Variants in PTK2 observed in about 807,000 individuals in gnomAD.
The protein encoded by PTK2 is focal adhesion kinase 1.
A neutral mutation model predicts 150.1 loss-of-function variants in PTK2; 45 were observed. That is an observed-to-expected ratio of 0.30 (90% CI 0.24 to 0.38). PTK2 has a LOEUF of 0.38. Among genes scored for constraint, PTK2 ranks in the 10% least tolerant of loss-of-function variants. The probability of loss-of-function intolerance (pLI) is 1.00; values close to 1 mark genes in which losing one functional copy is unlikely to be tolerated. For synonymous variants in PTK2, 432 were observed against 449.2 expected (o/e 0.96, Z 0.48); for missense variants, 919 against 1,307.3 (o/e 0.70, Z 4.58).
chr8:140,974,896 C>T (rs1405657791), intron 1 of PTK2, among the ~76,000 whole-genome samples: 1 of 152,096 alleles, frequency 6.6e-6, no homozygotes, highest in Non-Finnish European at 1.5e-5. Context: ...AAAAGATCTT[C>T]ATGAACTCAT....
chr8:140,728,214 A>G (rs1036230108), intron 22 of PTK2, among the ~76,000 whole-genome samples: 8 of 152,006 alleles, frequency 5.3e-5, no homozygotes, highest in African/African-American at 1.9e-4. Flanking sequence ...AAAAAAAAAA[A>G]AGTAGAAAAA....
At chr8:140,989,009 C>CA (rs34982618) in intron 1 of PTK2, among the ~76,000 whole-genome samples, 62,922 of 150,196 alleles carry the variant, frequency 0.42, 14,999 homozygotes, top group Non-Finnish European at 0.55. Flanking sequence ...GTGGGGAAGA[C>CA]AAAAAAAAGG....
At chr8:140,988,806 T>C (rs2100194420) in intron 1 of PTK2, among the ~76,000 whole-genome samples, 2 of 148,858 alleles carry the variant, frequency 1.3e-5, no homozygotes, top group South Asian at 2.1e-4. Flanking sequence ...TGCAGAGAAG[T>C]AGGGAAAAAG....
At chr8:140,676,059 G>A (rs1033079214) in intron 27 of PTK2, among the ~76,000 whole-genome samples, 2 of 152,170 alleles carry the variant, frequency 1.3e-5, no homozygotes, top group East Asian at 1.9e-4. Context: ...TATGTATACA[G>A]TGGAATACTA....
intron 1 of PTK2, among the ~76,000 whole-genome samples, chr8:140,970,700 T>C (rs72689143): frequency 6.6e-6 from 1 of 152,362 alleles, no homozygotes; most frequent in Non-Finnish European, 1.5e-5. Flanking sequence ...CTTGCTGCTC[T>C]GGTGCCTATC....
chr8:140,746,892 C>CT (rs369382658), intron 17 of PTK2, 32 bp from the exon 21 acceptor site: 65,050 of 983,090 alleles, frequency 0.066, 50 homozygotes, highest in Non-Finnish European at 0.072. Flanking sequence ...GTTATTCTTT[C>CT]TTTTTTTTTT....
chr8:140,784,181 T>C (rs911265741), intron 14 of PTK2, among the ~76,000 whole-genome samples: 1 of 152,170 alleles, frequency 6.6e-6, no homozygotes, highest in Non-Finnish European at 1.5e-5. Flanking sequence ...CAAAGTAGTA[T>C]AATTGCCCTT....
chr8:140,841,185 T>C (rs2100122129), intron 7 of PTK2, among the ~76,000 whole-genome samples: 1 of 152,160 alleles, frequency 6.6e-6, no homozygotes, highest in African/African-American at 2.4e-5. Context: ...AAAACATTTA[T>C]AAAAACTGAT....
rs73366341 is a variant in PTK2, at chr8:140,695,306, C to T, written c.2499+5585G>A. 4.3e-3 allele frequency among the ~76,000 whole-genome samples: 651 copies of T among 152,258 alleles called. 7 individuals are homozygous for T. The highest frequency in any genetic ancestry group is 0.015 in the African/African-American group (619 of 41,528). On this transcript the variant is annotated intron_variant, in intron 26 of 31. Transcript: ENST00000522684. Reference sequence around the variant, plus strand: ...CCCACTTTGCCTCTTCCAGCTTAGACCCTGCTGTCATTTATTTGAATGACC... The same window carrying T: ...CCCACTTTGCCTCTTCCAGCTTAGATCCTGCTGTCATTTATTTGAATGACC...
chr8:140,788,059 C>CAAAT (rs765338705), intron 14 of PTK2, among the ~76,000 whole-genome samples: 54 of 152,210 alleles, frequency 3.5e-4, no homozygotes, highest in Admixed American at 1.3e-3. Context: ...ACAGACTGAA[C>CAAAT]AAATGCAAAT....
intron 7 of PTK2, among the ~76,000 whole-genome samples, chr8:140,840,230 T>C (rs1486668418): frequency 6.6e-6 from 1 of 152,182 alleles, no homozygotes; most frequent in African/African-American, 2.4e-5. Flanking sequence ...GGCTAATTTT[T>C]ATAATTATTT....
At chr8:140,980,912 A>T (rs1588503088) in intron 1 of PTK2, among the ~76,000 whole-genome samples, 1 of 149,182 alleles carries the variant, frequency 6.7e-6, no homozygotes, top group Non-Finnish European at 1.5e-5. Context: ...CACCATGGCC[A>T]GCTAATTTTT....
chr8:140,714,143 C>A (rs2100038255), intron 23 of PTK2, among the ~76,000 whole-genome samples: 1 of 152,322 alleles, frequency 6.6e-6, no homozygotes, highest in South Asian at 2.1e-4. Flanking sequence ...CTACCTCAGT[C>A]TCCCAAAGCA....
At chr8:140,728,148 GA>G (rs34714142) in intron 22 of PTK2, among the ~76,000 whole-genome samples, 150,916 of 150,916 alleles carry the variant, frequency 1, 75,458 homozygotes, top group Non-Finnish European at 1. Flanking sequence ...GCAGTGAGCA[GA>G]AGACTGCGCC....
chr8:140,925,211 G>C (rs574820233), intron 2 of PTK2, among the ~76,000 whole-genome samples: 1 of 152,208 alleles, frequency 6.6e-6, no homozygotes, highest in African/African-American at 2.4e-5. Context: ...CAGTCAACAG[G>C]AGGAATGTAA....
At chr8:140,763,483 TA>T (rs1182855238) in intron 15 of PTK2, among the ~76,000 whole-genome samples, 1 of 151,878 alleles carries the variant, frequency 6.6e-6, no homozygotes, top group Non-Finnish European at 1.5e-5. Flanking sequence ...TCTGGAACAT[TA>T]AAAAAATAAG....
rs555806680 is a variant in PTK2 at position 140,739,751 on chromosome 8, G to C, written c.1736-644C>G. Among the ~76,000 whole-genome samples the C allele has an allele frequency of 1.6e-4, 24 of 152,218 alleles. No homozygotes were observed. In the East Asian group the frequency reaches 4.6e-3, roughly 29 times the overall value. ...GGGATTCAAACCTCTCCAACCACCA[G>C]AGCCTGAGCTGCTGGCTCTGCCCTG... On this transcript the variant is annotated intron_variant, in intron 20 of 31. Coordinates refer to ENST00000522684, the Ensembl canonical transcript of PTK2.
chr8:140,690,439 T>A lies in PTK2; in HGVS notation c.2500-3745A>T, dbSNP rs114577785. ...ACCACGCCCAGTTAGAGCTATAGTCTAAGAAAACAAAAGACCCACCAGGCC... is the reference window on the plus strand; with the variant it reads ...ACCACGCCCAGTTAGAGCTATAGTCAAAGAAAACAAAAGACCCACCAGGCC... On this transcript the variant is annotated intron_variant, in intron 26 of 31. Transcript: ENST00000522684. Among the ~76,000 whole-genome samples the A allele has an allele frequency of 6.7e-3, 1,017 of 152,284 alleles. 11 individuals are homozygous for A. Among genetic ancestry groups the A allele is most frequent in the African/African-American group, 0.023 (941 of 41,548 alleles).
chr8:140,702,300 G>A (rs181352611), intron 25 of PTK2, among the ~76,000 whole-genome samples: 1 of 148,122 alleles, frequency 6.8e-6, no homozygotes, highest in East Asian at 2.0e-4. Context: ...GCTCACTGCA[G>A]TCTCGACTTC....
Sources: gnomAD v4.1 joint callset for allele counts (sites outside exome capture counted in the v4.1 genomes callset) on GRCh38, gnomAD v4.1.1 for gene constraint, MANE v1.5 for transcripts, NCBI Gene and HGNC (gene_info 2026-07-23, HGNC 2026-07-21) for gene names.